Variants in PAX7 observed in about 807,000 individuals in gnomAD.
The protein encoded by PAX7 is paired box protein Pax-7.
In PAX7, 18 loss-of-function variants were observed where a neutral mutation model predicts 50.7. That is an observed-to-expected ratio of 0.36 (90% confidence interval 0.25 to 0.53). PAX7 has a LOEUF of 0.53. Ranked by LOEUF, PAX7 falls within the 20% of genes least tolerant of loss-of-function variation. The pLI, the probability that PAX7 is intolerant of heterozygous loss-of-function variation, is 0.93. For synonymous variants in PAX7, 310 were observed against 290.4 expected (o/e 1.07, Z -0.69); for missense variants, 644 against 702.9 (o/e 0.92, Z 0.95).
rs538959908 is a variant in PAX7 at position 18,706,210 on chromosome 1, C to G, written c.1155+2914C>G. 1.2e-4 allele frequency among the ~76,000 whole-genome samples: 18 copies of G among 152,250 alleles called. No individual in the cohort carries two copies. The East Asian group carries it at 2.9e-3, about 25-fold the overall frequency. ...CCTGGGAGGTGTGGGGCCAGGAATC[C>G]TCTGTGTATAAGGATCTGCAGGGAG... On this transcript the variant is annotated intron_variant, in intron 7 of 8. Coordinates refer to ENST00000420770, the MANE Select transcript of PAX7 (RefSeq NM_001135254.2).
intron 4 of PAX7, among the ~76,000 whole-genome samples, chr1:18,648,966 G>A (rs1472401799): frequency 6.6e-6 from 1 of 152,140 alleles, no homozygotes; most frequent in Non-Finnish European, 1.5e-5. Context: ...GAGGAAAGCA[G>A]CCCATTCCCA....
At chr1:18,667,515 C>CA (rs1200785595) in intron 4 of PAX7, among the ~76,000 whole-genome samples, 6 of 152,080 alleles carry the variant, frequency 3.9e-5, no homozygotes, top group Non-Finnish European at 8.8e-5. Flanking sequence ...CCCAAGAAGC[C>CA]AGATTCTCAT....
chr1:18,635,252 G>T lies in PAX7; in HGVS notation c.451+12G>T, dbSNP rs137899505. 6.2e-7 allele frequency: 1 copy of T among 1,612,964 alleles called. No individual in the cohort carries two copies. The highest frequency in any genetic ancestry group is 8.5e-7 in the Non-Finnish European group (1 of 1,179,434). ...CACTGTGCCCTCAGGTGAGAAGGCA[G>T]CTGAGCCGGCAGAGCTGGCCCAGAG... On this transcript the variant is annotated intron_variant, in intron 3 of 8. Transcript: ENST00000420770.
intron 4 of PAX7, among the ~76,000 whole-genome samples, chr1:18,656,479 G>A (rs2088524353): frequency 6.6e-6 from 1 of 151,646 alleles, no homozygotes; most frequent in African/African-American, 2.4e-5. Context: ...CAGCCTGGGT[G>A]ACAGAGTGAC....
intron 6 of PAX7, among the ~76,000 whole-genome samples, chr1:18,702,649 G>A (rs1022323943): frequency 6.6e-6 from 1 of 152,136 alleles, no homozygotes; most frequent in Non-Finnish European, 1.5e-5. Context: ...AGCCCACCAA[G>A]CCTTGGTTTC....
At chr1:18,664,966 A>G (rs1390794702) in intron 4 of PAX7, among the ~76,000 whole-genome samples, 2 of 152,006 alleles carry the variant, frequency 1.3e-5, no homozygotes, top group East Asian at 1.9e-4. Flanking sequence ...TGTGGTGGCT[A>G]ATCTTGAGTC....
intron 4 of PAX7, among the ~76,000 whole-genome samples, chr1:18,639,561 A>G (rs2088217563): frequency 6.6e-6 from 1 of 151,676 alleles, no homozygotes; most frequent in Admixed American, 6.6e-5. Flanking sequence ...CCTCCTCTTC[A>G]CCCCTTTCTC....
intron 4 of PAX7, among the ~76,000 whole-genome samples, chr1:18,649,303 T>G (rs1162989694): frequency 6.6e-6 from 1 of 152,160 alleles, no homozygotes; most frequent in Non-Finnish European, 1.5e-5. Flanking sequence ...CCTTTCCCCA[T>G]GCTGGCAGTT....
At chr1:18,722,830 GCT>G (rs1037463828) in intron 7 of PAX7, among the ~76,000 whole-genome samples, 2 of 152,124 alleles carry the variant, frequency 1.3e-5, no homozygotes, top group Non-Finnish European at 2.9e-5. Flanking sequence ...GTATACCGGG[GCT>G]CATTTTGAGT....
At chr1:18,677,792 A>C (rs949582598) in intron 4 of PAX7, among the ~76,000 whole-genome samples, 3 of 152,094 alleles carry the variant, frequency 2.0e-5, no homozygotes, top group African/African-American at 7.2e-5. Context: ...ACTGTGATTA[A>C]AAGCATTCTA....
At chr1:18,676,583 G>T (rs563640888) in intron 4 of PAX7, among the ~76,000 whole-genome samples, 3 of 152,266 alleles carry the variant, frequency 2.0e-5, no homozygotes. Flanking sequence ...AGGAAAAGAG[G>T]GGGATTGGGG....
chr1:18,640,253 T>G (rs935065292), intron 4 of PAX7, among the ~76,000 whole-genome samples: 3 of 152,202 alleles, frequency 2.0e-5, no homozygotes, highest in African/African-American at 7.2e-5. Context: ...GGGAAACAAT[T>G]TAATTTGGCA....
chr1:18,671,207 G>T (rs767987596), intron 4 of PAX7, among the ~76,000 whole-genome samples: 27 of 152,148 alleles, frequency 1.8e-4, no homozygotes, highest in Non-Finnish European at 3.5e-4. Context: ...AGAATATTCT[G>T]GGCACAAGGT....
chr1:18,677,470 G>A (rs1441075311), intron 4 of PAX7, among the ~76,000 whole-genome samples: 1 of 152,192 alleles, frequency 6.6e-6, no homozygotes, highest in Admixed American at 6.5e-5. Context: ...GCTTTTGTTA[G>A]TGTGGTTTGT....
At chr1:18,644,867 G>A (rs1246450488) in intron 4 of PAX7, among the ~76,000 whole-genome samples, 4 of 152,314 alleles carry the variant, frequency 2.6e-5, no homozygotes, top group Admixed American at 6.5e-5. Context: ...ATTTTCCTCT[G>A]GAGTGTATGT....
intron 4 of PAX7, among the ~76,000 whole-genome samples, chr1:18,653,982 TG>T (rs1227134111): frequency 6.6e-6 from 1 of 152,144 alleles, no homozygotes; most frequent in African/African-American, 2.4e-5. Flanking sequence ...GCCCATTCTA[TG>T]GGCCCCCAGC....
chr1:18,718,448 G>A (rs569072789), intron 7 of PAX7, among the ~76,000 whole-genome samples: 40 of 152,262 alleles, frequency 2.6e-4, no homozygotes, highest in African/African-American at 9.1e-4. Context: ...TGGGACTGGG[G>A]AAATCTGTGT....
intron 5 of PAX7, among the ~76,000 whole-genome samples, chr1:18,694,998 G>T (rs563098225): frequency 6.6e-6 from 1 of 152,076 alleles, no homozygotes; most frequent in African/African-American, 2.4e-5. Context: ...AAAGGTCTGT[G>T]GTTCTGGGAT....
intron 4 of PAX7, among the ~76,000 whole-genome samples, chr1:18,661,661 C>G (rs2088601221): frequency 6.6e-6 from 1 of 152,258 alleles, no homozygotes; most frequent in Non-Finnish European, 1.5e-5. Context: ...GCCTGGCACA[C>G]AGTAGGTGCT....
Sources: gnomAD v4.1 joint callset for allele counts (sites outside exome capture counted in the v4.1 genomes callset) on GRCh38, gnomAD v4.1.1 for gene constraint, MANE v1.5 for transcripts, NCBI Gene and HGNC (gene_info 2026-07-23, HGNC 2026-07-21) for gene names.